Variants in TNNC2 observed in about 807,000 individuals in gnomAD.
TNNC2 encodes troponin C2, fast skeletal type, also known as troponin C, skeletal muscle.
A neutral mutation model predicts 20.0 loss-of-function variants in TNNC2; 14 were observed. The ratio of observed to expected loss-of-function variants is 0.70; its 90% CI spans 0.46 to 1.09. The LOEUF is 1.09. Among genes scored for constraint, TNNC2 ranks in the 50% least tolerant of loss-of-function variants. The pLI is 0.00. For missense variants in TNNC2, 163 were observed against 223.8 expected, an observed-to-expected ratio of 0.73 and a Z score of 1.73; for synonymous variants, 81 against 77.3, an observed-to-expected ratio of 1.05 and a Z score of -0.25.
chr20:45,825,504 C>A (rs558297139), intron 1 of TNNC2, among the ~76,000 whole-genome samples: 1 of 151,460 alleles, frequency 6.6e-6, no homozygotes, highest in African/African-American at 2.4e-5. Flanking sequence ...GTTGGCCAGG[C>A]TGGTCTTGAA....
At chr20:45,825,913 C>T (rs1031158678) in intron 1 of TNNC2, among the ~76,000 whole-genome samples, 4 of 152,198 alleles carry the variant, frequency 2.6e-5, no homozygotes, top group Admixed American at 6.5e-5. Flanking sequence ...AGCCACCGCG[C>T]GCAGCCTGTG....
intron 1 of TNNC2, among the ~76,000 whole-genome samples, chr20:45,826,619 C>T (rs952564954): frequency 3.9e-5 from 6 of 152,220 alleles, no homozygotes; most frequent in Non-Finnish European, 5.9e-5. Flanking sequence ...TATTTTTAGT[C>T]AGGCATGGGC....
chr20:45,825,884 T>A (rs982778380), intron 1 of TNNC2, among the ~76,000 whole-genome samples: 12 of 152,134 alleles, frequency 7.9e-5, no homozygotes, highest in African/African-American at 2.9e-4. Flanking sequence ...CTTCCCAAAG[T>A]GATGGGATTA....
intron 1 of TNNC2, among the ~76,000 whole-genome samples, chr20:45,825,766 A>G (rs1040315464): frequency 6.6e-6 from 1 of 152,032 alleles, no homozygotes; most frequent in Admixed American, 6.6e-5. Flanking sequence ...GATTACAGGC[A>G]TGCACCACAA....
chr20:45,824,962 T>C, intron 1 of TNNC2, 128 bp from the exon 2 acceptor site: 1 of 1,008,894 alleles, frequency 9.9e-7, no homozygotes, highest in Non-Finnish European at 1.5e-6. Context: ...ACTTCAAACT[T>C]GTCACATAAT....
chr20:45,832,169 G>C (rs944900854), upstream of TNNC2, among the ~76,000 whole-genome samples: 1 of 152,028 alleles, frequency 6.6e-6, no homozygotes, highest in African/African-American at 2.4e-5. Flanking sequence ...AAAATTAGCC[G>C]CATGGTGGCA....
At chr20:45,829,536 T>G (rs1013454556), upstream of TNNC2, among the ~76,000 whole-genome samples, 5 of 151,512 alleles carry the variant, frequency 3.3e-5, no homozygotes, top group South Asian at 1.0e-3. Context: ...TCCCACCACT[T>G]TGGGAGGCTG....
chr20:45,828,872 G>A (rs990458456), upstream of TNNC2, among the ~76,000 whole-genome samples: 3 of 152,204 alleles, frequency 2.0e-5, no homozygotes, highest in African/African-American at 7.2e-5. Context: ...CCCAAGGAAA[G>A]CTCAGCAGGG....
Position 45,824,547 on chromosome 20 carries a change from C to T in TNNC2, c.147G>A (p.Gln49=), listed in dbSNP as rs769198477. Residue 49 remains glutamine, a synonymous_variant, in exon 3 of 6, where the codon CAG becomes CAA. Coordinates refer to ENST00000372555, the MANE Select transcript of TNNC2 (RefSeq NM_003279.3). ...ELGTVMRMLG[Q]TPTKEELDAI... The stretch of plus-strand genomic sequence containing the variant: ...CGTCCAGCTCCTCCTTGGTGGGTGT[C>T]TGGCCCAGCATCCTCATCACCGTGC... 6.2e-7 allele frequency: 1 copy of T among 1,613,628 alleles called. No homozygotes were observed. The highest frequency in any genetic ancestry group is 1.1e-5 in the South Asian group (1 of 91,082).
chr20:45,826,116 C>T (rs1982964262), intron 1 of TNNC2, among the ~76,000 whole-genome samples: 1 of 148,362 alleles, frequency 6.7e-6, no homozygotes, highest in Non-Finnish European at 1.5e-5. Context: ...TTGTAAAGGG[C>T]TAGCACCATT....
At chr20:45,826,188 A>G (rs1372106857) in intron 1 of TNNC2, among the ~76,000 whole-genome samples, 1 of 152,232 alleles carries the variant, frequency 6.6e-6, no homozygotes, top group Admixed American at 6.5e-5. Context: ...ATAGTTGCTC[A>G]ATAAAATGTT....
rs1333936224 is a variant in TNNC2 at position 45,823,788 on chromosome 20, C to T, written c.451+203G>A. The stretch of plus-strand genomic sequence containing the variant: ...GATTTTACAGTCCTGAGCCACCACG[C>T]CCCCCTGCCTGGTCATTAATTGATA... On this transcript the variant is annotated intron_variant, in intron 5 of 5. Coordinates refer to ENST00000372555, the MANE Select transcript of TNNC2 (RefSeq NM_003279.3). This position sits in a 1 kb window ranked among gnomAD's most constrained non-coding sequence, Gnocchi z 4.6. 6.6e-6 allele frequency among the ~76,000 whole-genome samples: 1 copy of T among 152,104 alleles called. No individual in the cohort carries two copies. The highest frequency in any genetic ancestry group is 1.5e-5 in the Non-Finnish European group (1 of 68,024).
In TNNC2 at chr20:45,824,511, C is replaced by T. The variant is rs749098799; in HGVS notation, c.183G>A (p.Glu61=). The part of the protein sequence containing the change: ...PTKEELDAII[E]EVDEDGSGTI... ...CCCGCTCACCGTCCTCATCCACCTC[C>T]TCGATGATGGCGTCCAGCTCCTCCT... The change falls in exon 3 of 6, where the codon GAG becomes GAA. Residue 61 remains glutamate, a synonymous_variant. Coordinates refer to ENST00000372555, the MANE Select transcript of TNNC2 (RefSeq NM_003279.3). 1 of 1,613,748 alleles carries T rather than the reference C, an allele frequency of 6.2e-7. No homozygotes were observed. Among genetic ancestry groups the T allele is most frequent in the South Asian group, 1.1e-5 (1 of 91,080 alleles).
chr20:45,829,094 C>T (rs1983045217), upstream of TNNC2, among the ~76,000 whole-genome samples: 1 of 152,064 alleles, frequency 6.6e-6, no homozygotes, highest in Non-Finnish European at 1.5e-5. Flanking sequence ...GATTCTCATG[C>T]CTCAGCCTTC....
At chr20:45,831,028 C>T (rs571669288), upstream of TNNC2, among the ~76,000 whole-genome samples, 12 of 152,206 alleles carry the variant, frequency 7.9e-5, no homozygotes, top group East Asian at 2.1e-3. Context: ...GTAGCTCATA[C>T]TTGTAATCCC....
At chr20:45,832,475 G>A (rs1023304040) in intron 2 of TNNC2, among the ~76,000 whole-genome samples, 12 of 152,138 alleles carry the variant, frequency 7.9e-5, no homozygotes, top group Non-Finnish European at 1.8e-4. Flanking sequence ...TCCCCAGGAC[G>A]CTGTGAGGGA....
At chr20:45,824,196 C>T in intron 4 of TNNC2, 69 bp from the exon 5 acceptor site, 1 of 1,599,996 alleles carries the variant, frequency 6.3e-7, no homozygotes, top group Non-Finnish European at 8.5e-7. Context: ...CACTCGACGC[C>T]CCGCTTCCGC....
upstream of TNNC2, among the ~76,000 whole-genome samples, chr20:45,828,769 C>G (rs867497542): frequency 2.6e-5 from 4 of 152,250 alleles, no homozygotes; most frequent in South Asian, 2.1e-4. Context: ...CAACCGATAG[C>G]AGGCTCTGGG....
intron 2 of TNNC2, among the ~76,000 whole-genome samples, chr20:45,832,685 T>C (rs1983149130): frequency 6.6e-6 from 1 of 152,254 alleles, no homozygotes; most frequent in Non-Finnish European, 1.5e-5. Context: ...ATTTTATTTA[T>C]TGTATTGTAT....
Sources: gnomAD v4.1 joint callset for allele counts (sites outside exome capture counted in the v4.1 genomes callset) on GRCh38, gnomAD v4.1.1 for gene constraint, Gnocchi (gnomAD v3.1) non-coding constraint, MANE v1.5 for transcripts, NCBI Gene and HGNC (gene_info 2026-07-23, HGNC 2026-07-21) for gene names.